FREM1: variants seen among roughly 807,000 people sequenced by gnomAD.
FREM1 encodes FRAS1-related extracellular matrix protein 1.
FREM1 carries 220 observed loss-of-function variants against 210.1 expected under a neutral mutation model. The observed-to-expected ratio is 1.05, with a 90% CI of 0.94 to 1.17. The LOEUF is 1.17. Among genes scored for constraint, FREM1 ranks in the 50% most tolerant of loss-of-function variants. The pLI is 0.00. For missense variants in FREM1, 3,454 were observed against 2,675.5 expected, an observed-to-expected ratio of 1.29 and a Z score of -6.42; for synonymous variants, 1,189 against 980.2, an observed-to-expected ratio of 1.21 and a Z score of -3.98.
chr9:14,880,416 C>T (rs903227537), intron 1 of FREM1, among the ~76,000 whole-genome samples: 1 of 151,920 alleles, frequency 6.6e-6, no homozygotes, highest in Non-Finnish European at 1.5e-5. Context: ...CCAGCCTGGC[C>T]AACATGTCAA....
At chr9:14,740,930 T>A (rs1841465587) in intron 35 of FREM1, among the ~76,000 whole-genome samples, 1 of 152,170 alleles carries the variant, frequency 6.6e-6, no homozygotes, top group Non-Finnish European at 1.5e-5. Flanking sequence ...CATTAAAACC[T>A]CTTTAAAAAT....
chr9:14,843,374 G>T (rs1027075371), intron 8 of FREM1, among the ~76,000 whole-genome samples: 4 of 152,126 alleles, frequency 2.6e-5, no homozygotes, highest in African/African-American at 9.7e-5. Flanking sequence ...TGGTTCTCGG[G>T]CCTTCAGACT....
rs1832109014 is a variant in FREM1 at position 14,869,150 on chromosome 9, G to C, written c.-173C>G. 1 of 545,348 alleles carries C rather than the reference G, an allele frequency of 1.8e-6. No individual in the cohort carries two copies. The highest frequency in any genetic ancestry group is 2.8e-5 in the East Asian group (1 of 35,590). The allele number at this position is 545,348 out of a possible 1,614,324, so 33.8% of individuals were successfully genotyped here. The stretch of plus-strand genomic sequence containing the variant: ...TTTCATTTCAAAGTCAGACAAGGGG[G>C]CCTTTCAGGCAATCCCAGGGCTTTT... On this transcript the variant is annotated 5_prime_UTR_variant, in exon 2 of 37. Coordinates refer to ENST00000380880, the MANE Select transcript of FREM1 (RefSeq NM_001379081.2).
chr9:14,739,580 T>C (rs1278777901), intron 36 of FREM1, among the ~76,000 whole-genome samples: 1 of 148,110 alleles, frequency 6.8e-6, no homozygotes, highest in Non-Finnish European at 1.5e-5. Flanking sequence ...TTTATATTTA[T>C]ACATACACCA....
At chr9:14,868,710 C>T (rs531975048) in intron 2 of FREM1, 34 bp downstream of exon 2, 1 of 1,353,426 alleles carries the variant, frequency 7.4e-7, no homozygotes, top group Non-Finnish European at 1.0e-6. Context: ...CATTCATACA[C>T]ACGACTGAAC....
intron 20 of FREM1, among the ~76,000 whole-genome samples, chr9:14,799,128 T>G (rs541865746): frequency 6.6e-6 from 1 of 152,188 alleles, no homozygotes; most frequent in African/African-American, 2.4e-5. Flanking sequence ...AACTTTTTTT[T>G]CATCAGCCAG....
chr9:14,843,122 G>A (rs1408943867), intron 8 of FREM1, among the ~76,000 whole-genome samples: 1 of 152,164 alleles, frequency 6.6e-6, no homozygotes, highest in Non-Finnish European at 1.5e-5. Context: ...AGAACAAAAA[G>A]GAAGAGGAAA....
rs567030944 is a variant in FREM1, at chr9:14,804,697, G to A, written c.3471+259C>T. Among the ~76,000 whole-genome samples the A allele has an allele frequency of 7.4e-4, 113 of 152,296 alleles. 1 individual carries two copies. The highest frequency in any genetic ancestry group is 2.5e-3 in the African/African-American group (105 of 41,546). On this transcript the variant is annotated intron_variant, in intron 19 of 36. Coordinates refer to ENST00000380880, the MANE Select transcript of FREM1 (RefSeq NM_001379081.2). Reference sequence around the variant, plus strand: ...CTAGGCAAGATACAAGACAATGGAGGTAGGTATCGATGGAATCATCTGTAG... The same window carrying A: ...CTAGGCAAGATACAAGACAATGGAGATAGGTATCGATGGAATCATCTGTAG...
Position 14,747,342 on chromosome 9 carries a change from T to C in FREM1, c.5931A>G (p.Pro1977=). 2 of 1,613,858 alleles carry C rather than the reference T, an allele frequency of 1.2e-6. No individual in the cohort carries two copies. Among genetic ancestry groups the C allele is most frequent in the Non-Finnish European group, 1.7e-6 (2 of 1,179,784 alleles). The part of the protein sequence containing the change: ...RKAKVSIISQ[P]QKTIKVAELP... ...GTTCTGCCACTTTGATTGTCTTTTG[T>C]GGCTGACTAATGATGGATACTTTGG... Residue 1977 remains proline (P), a synonymous_variant, in exon 33 of 37, where the codon CCA becomes CCG. Coordinates refer to ENST00000380880, the MANE Select transcript of FREM1 (RefSeq NM_001379081.2).
In FREM1 at chr9:14,859,466, G is replaced by T; in HGVS notation, c.348C>A (p.Thr116=). ...CCCACAGGATAAAAGTTTCTATGAA[G>T]GTATCTCTTTCAGTAAATCTGTGGA... ...LRLYRFTERD[T]FIETFILWVY... is the part of the protein sequence containing the mutation. Residue 116 remains threonine (T), a synonymous_variant, in exon 4 of 37, where the codon ACC becomes ACA. Transcript: ENST00000380880. 6.2e-7 allele frequency: 1 copy of T among 1,612,652 alleles called. No individual in the cohort carries two copies. The highest frequency in any genetic ancestry group is 8.5e-7 in the Non-Finnish European group (1 of 1,179,140).
chr9:14,837,770 T>G (rs1294110110), intron 10 of FREM1, among the ~76,000 whole-genome samples: 6 of 152,188 alleles, frequency 3.9e-5, no homozygotes, highest in Non-Finnish European at 8.8e-5. Flanking sequence ...GAAAAATGAC[T>G]GCCATTGTGT....
At chr9:14,886,040 T>G (rs2132265382) in intron 1 of FREM1, among the ~76,000 whole-genome samples, 1 of 152,210 alleles carries the variant, frequency 6.6e-6, no homozygotes, top group Middle Eastern at 3.4e-3. Flanking sequence ...TCTCTACTTC[T>G]ATGAGAACAA....
chr9:14,888,866 TGAAA>T (rs1050235942), intron 1 of FREM1, among the ~76,000 whole-genome samples: 11 of 152,176 alleles, frequency 7.2e-5, no homozygotes, highest in Non-Finnish European at 1.2e-4. Flanking sequence ...TTTTAAAATA[TGAAA>T]GAAAGGCATG....
In FREM1 at chr9:14,776,082, C is replaced by A; in HGVS notation, c.4564G>T (p.Val1522Leu). Residue 1522 changes from valine to leucine, a missense_variant, in exon 25 of 37, where the codon GTG (valine) becomes TTG (leucine). Physicochemically the swap from Val to Leu is conservative, Grantham distance 32. Transcript: ENST00000380880. ...AGGAGGTCAGGGGAAAGCAGGCCCA[C>A]GGCCCCTTGGGCCAGTCTCAACCCC... Reference protein sequence around the residue: ...NKGLRLAQGAVGLLSPDLLQL... With the variant: ...NKGLRLAQGALGLLSPDLLQL... 1 of 1,612,884 alleles carries A rather than the reference C, an allele frequency of 6.2e-7. No individual in the cohort carries two copies. The highest frequency in any genetic ancestry group is 8.5e-7 in the Non-Finnish European group (1 of 1,179,026).
At chr9:14,886,672 G>T (rs925333879) in intron 1 of FREM1, among the ~76,000 whole-genome samples, 1 of 151,934 alleles carries the variant, frequency 6.6e-6, no homozygotes, top group Non-Finnish European at 1.5e-5. Context: ...AAGGAAGGTG[G>T]ATGACTTGAG....
intron 1 of FREM1, among the ~76,000 whole-genome samples, chr9:14,899,432 G>C (rs1838372762): frequency 6.6e-6 from 1 of 152,154 alleles, no homozygotes; most frequent in Non-Finnish European, 1.5e-5. Context: ...TCAGGCAGTG[G>C]GATTAAACGT....
At chr9:14,860,560 C>CATAT (rs1352930508) in intron 3 of FREM1, among the ~76,000 whole-genome samples, 2 of 102,588 alleles carry the variant, frequency 1.9e-5, no homozygotes, top group Non-Finnish European at 3.5e-5. Context: ...TATATACACA[C>CATAT]ATATATATAC....
chr9:14,799,589 AT>A (rs1387818821), intron 20 of FREM1, among the ~76,000 whole-genome samples: 1 of 152,052 alleles, frequency 6.6e-6, no homozygotes, highest in Non-Finnish European at 1.5e-5. Context: ...AACAAATGTT[AT>A]TTTTTAAAAA....
At chr9:14,880,695 T>C in intron 1 of FREM1, among the ~76,000 whole-genome samples, 1 of 152,132 alleles carries the variant, frequency 6.6e-6, no homozygotes, top group East Asian at 1.9e-4. Context: ...GAAACAAATC[T>C]TATTGTGTTT....
Sources: gnomAD v4.1 joint callset for allele counts (sites outside exome capture counted in the v4.1 genomes callset) on GRCh38, gnomAD v4.1.1 for gene constraint, MANE v1.5 for transcripts, NCBI Gene and HGNC (gene_info 2026-07-23, HGNC 2026-07-21) for gene names.